CROT: variants seen among roughly 807,000 people sequenced by gnomAD.
CROT encodes the protein carnitine O-octanoyltransferase.
A neutral mutation model predicts 89.2 loss-of-function variants in CROT; 84 were observed. That is an observed-to-expected ratio of 0.94 (90% CI 0.79 to 1.13). The LOEUF is 1.13. Among genes scored for constraint, CROT ranks in the 50% most tolerant of loss-of-function variants. CROT has a pLI of 0.00. For synonymous variants in CROT, 212 were observed against 239.5 expected (o/e 0.89, Z 1.06); for missense variants, 711 against 727.8 (o/e 0.98, Z 0.27).
intron 3 of CROT, among the ~76,000 whole-genome samples, chr7:87,349,489 A>T (rs549278110): frequency 6.6e-6 from 1 of 152,352 alleles, no homozygotes; most frequent in African/African-American, 2.4e-5. Context: ...AGACAGCATG[A>T]CAAAATTTAT....
intron 17 of CROT, among the ~76,000 whole-genome samples, chr7:87,393,947 TA>T (rs1807446129): frequency 6.6e-6 from 1 of 152,160 alleles, no homozygotes; most frequent in Non-Finnish European, 1.5e-5. Flanking sequence ...ATTCAAAAAC[TA>T]AAGTATTCAT....
intron 17 of CROT, among the ~76,000 whole-genome samples, chr7:87,393,638 A>G (rs1807437236): frequency 1.3e-5 from 2 of 152,198 alleles, no homozygotes; most frequent in Non-Finnish European, 2.9e-5. Context: ...GTCCTTATCT[A>G]CAGTCTGGCA....
At chr7:87,354,387 G>T (rs1805990076) in intron 3 of CROT, 1 of 518,702 alleles carries the variant, frequency 1.9e-6, no homozygotes, top group Non-Finnish European at 3.9e-6. Context: ...GATGAAAAAA[G>T]TGCTTGGATT....
chr7:87,349,068 C>T lies in CROT; in HGVS notation c.-1C>T. On this transcript the variant is annotated 5_prime_UTR_variant, in exon 3 of 18. Transcript: ENST00000331536. ...TTTAGGTTTCCTATTGTGATTTTAT[C>T]ATGGAAAATCAATTGGCTAAATCAA... is the stretch of plus-strand genomic sequence containing the variant. 2 of 1,549,102 alleles carry T rather than the reference C, an allele frequency of 1.3e-6. No homozygotes were observed. The highest frequency in any genetic ancestry group is 1.8e-6 in the Non-Finnish European group (2 of 1,128,872).
intron 13 of CROT, among the ~76,000 whole-genome samples, chr7:87,390,700 TCAC>T (rs1807331870): frequency 1.3e-5 from 2 of 152,192 alleles, no homozygotes; most frequent in African/African-American, 4.8e-5. Context: ...AAAACAGATA[TCAC>T]CCTGGGGAAC....
intron 17 of CROT, among the ~76,000 whole-genome samples, chr7:87,393,791 A>G (rs1012962697): frequency 6.6e-6 from 1 of 152,226 alleles, no homozygotes; most frequent in African/African-American, 2.4e-5. Flanking sequence ...TATGCATGAC[A>G]TATTTCAGTT....
chr7:87,386,883 A>G (rs1433739167), intron 13 of CROT, among the ~76,000 whole-genome samples: 1 of 152,072 alleles, frequency 6.6e-6, no homozygotes, highest in African/African-American at 2.4e-5. Context: ...TTTTTACCCT[A>G]TAGGCAAAGA....
chr7:87,345,977 C>G (rs1562924106), intron 1 of CROT, among the ~76,000 whole-genome samples: 3 of 152,188 alleles, frequency 2.0e-5, no homozygotes. Context: ...TTGATGGCCT[C>G]TTGAGTGCAG....
At chr7:87,366,711 C>T (rs1236783488) in intron 6 of CROT, among the ~76,000 whole-genome samples, 4 of 152,210 alleles carry the variant, frequency 2.6e-5, no homozygotes, top group Non-Finnish European at 5.9e-5. Context: ...CCCAGGCATA[C>T]ACATTCAAAT....
At chr7:87,360,769 A>T (rs1806240264) in intron 4 of CROT, among the ~76,000 whole-genome samples, 1 of 152,094 alleles carries the variant, frequency 6.6e-6, no homozygotes, top group African/African-American at 2.4e-5. Context: ...CTCTGAAGAA[A>T]CACCTATGTA....
Position 87,386,109 on chromosome 7 carries a change from T to C in CROT, c.1301+3566T>C, listed in dbSNP as rs558385674. Among the ~76,000 whole-genome samples the C allele has an allele frequency of 2.0e-5, 3 of 152,338 alleles. No individual in the cohort carries two copies. In the South Asian group the frequency reaches 6.2e-4, roughly 32 times the overall value. On this transcript the variant is annotated intron_variant, in intron 13 of 17. Coordinates refer to ENST00000331536, the MANE Select transcript of CROT (RefSeq NM_021151.4). ...TTTCTGCATCTGTGTTCATCTGGGA[T>C]ACTGCTCTGTAGTTTACTTCTTTAG...
At chr7:87,369,827 A>G (rs1490458222) in intron 7 of CROT, 1 of 148,814 alleles carries the variant, frequency 6.7e-6, no homozygotes, top group African/African-American at 2.4e-5. Context: ...AATATATATA[A>G]TATATAATAT....
At chr7:87,398,384 T>C (rs1807619408) in intron 17 of CROT, 140 bp from the exon 18 acceptor site, 1 of 990,930 alleles carries the variant, frequency 1.0e-6, no homozygotes, top group Non-Finnish European at 1.6e-6. Context: ...CCTTCAATTG[T>C]GTCAGGTTAC....
chr7:87,374,658 C>A (rs933230633), intron 7 of CROT, among the ~76,000 whole-genome samples: 1 of 151,978 alleles, frequency 6.6e-6, no homozygotes, highest in Non-Finnish European at 1.5e-5. Flanking sequence ...TTATTCTGTT[C>A]CTCAGGACAC....
chr7:87,352,997 T>A (rs2115801398), intron 3 of CROT, among the ~76,000 whole-genome samples: 1 of 152,328 alleles, frequency 6.6e-6, no homozygotes, highest in Middle Eastern at 3.4e-3. Flanking sequence ...TGCTATCAGA[T>A]ACTGGCAGGA....
At chr7:87,364,819 A>C (rs1806388602) in intron 6 of CROT, among the ~76,000 whole-genome samples, 1 of 152,174 alleles carries the variant, frequency 6.6e-6, no homozygotes, top group South Asian at 2.1e-4. Context: ...GAAAGTGTGA[A>C]TCTAGAAGCA....
Position 87,359,311 on chromosome 7 carries a change from C to G in CROT, c.221C>G (p.Ala74Gly). The change falls in exon 4 of 18, where the codon GCA (alanine) becomes GGA (glycine). Residue 74 changes from alanine to glycine, a missense_variant. Physicochemically the swap from Ala to Gly is moderately conservative, Grantham distance 60. Transcript: ENST00000331536. ...TTGCACCAGAAATTGCTTGAAAGAGCAAAAGGAAAAAGAAATTGGGTATTT... is the reference window on the plus strand; with the variant it reads ...TTGCACCAGAAATTGCTTGAAAGAGGAAAAGGAAAAAGAAATTGGGTATTT... ...EKLHQKLLER[A>G]KGKRNWLEEW... The G allele has an allele frequency of 1.3e-6, 2 of 1,597,192 alleles. No homozygotes were observed. Among genetic ancestry groups the G allele is most frequent in the Non-Finnish European group, 8.6e-7 (1 of 1,168,802 alleles).
intron 3 of CROT, among the ~76,000 whole-genome samples, chr7:87,349,719 G>A (rs1805809947): frequency 1.3e-5 from 2 of 152,138 alleles, no homozygotes; most frequent in Non-Finnish European, 2.9e-5. Context: ...TGCCTTGCTA[G>A]TCTCAAGATG....
At chr7:87,360,730 T>C (rs1448383858) in intron 4 of CROT, among the ~76,000 whole-genome samples, 2 of 152,152 alleles carry the variant, frequency 1.3e-5, no homozygotes, top group Non-Finnish European at 2.9e-5. Context: ...TAGGTAAGGA[T>C]TTATTGATTA....
Sources: allele counts gnomAD v4.1 joint callset (sites outside exome capture counted in the v4.1 genomes callset), GRCh38; gene constraint gnomAD v4.1.1; transcripts MANE v1.5; gene names NCBI Gene and HGNC (gene_info 2026-07-23, HGNC 2026-07-21).